TMEFF1: variants seen among roughly 807,000 people sequenced by gnomAD.
TMEFF1 encodes the protein transmembrane protein with EGF like and two follistatin like domains 1, also known as tomoregulin-1.
TMEFF1 carries 20 observed loss-of-function variants against 47.5 expected under a neutral mutation model. The ratio of observed to expected loss-of-function variants is 0.42; its 90% CI spans 0.30 to 0.61. The LOEUF (loss-of-function observed/expected upper bound fraction) is 0.61, where lower values mean the gene tolerates loss of function less well. Among genes scored for constraint, TMEFF1 ranks in the 20% least tolerant of loss-of-function variants. The pLI is 0.19. For synonymous variants in TMEFF1, 162 were observed against 166.3 expected (o/e 0.97, Z 0.20); for missense variants, 411 against 471.1 (o/e 0.87, Z 1.18).
chr9:100,515,613 C>A (rs535254936), intron 4 of TMEFF1, among the ~76,000 whole-genome samples: 59 of 152,096 alleles, frequency 3.9e-4, no homozygotes, highest in Admixed American at 1.9e-3. Context: ...TAGTGAAACC[C>A]CGTCTCTACT....
chr9:100,527,089 G>A (rs937378666), intron 5 of TMEFF1, among the ~76,000 whole-genome samples: 1 of 151,228 alleles, frequency 6.6e-6, no homozygotes, highest in Non-Finnish European at 1.5e-5. Flanking sequence ...GTTGCAGTGA[G>A]CCAAAATCGC....
chr9:100,515,339 T>A (rs1838046429), intron 4 of TMEFF1, among the ~76,000 whole-genome samples: 1 of 152,154 alleles, frequency 6.6e-6, no homozygotes, highest in Non-Finnish European at 1.5e-5. Context: ...TTACTTAGGA[T>A]GATAATCCCT....
rs529859021 is a variant in TMEFF1, at chr9:100,549,716, T to G, written c.710-379T>G. Among the ~76,000 whole-genome samples, 5 of 152,300 alleles carry G rather than the reference T, an allele frequency of 3.3e-5. No homozygotes were observed. The South Asian group carries it at 1.0e-3, about 32-fold the overall frequency. On this transcript the variant is annotated intron_variant, in intron 6 of 9. Coordinates refer to ENST00000374879, the MANE Select transcript of TMEFF1 (RefSeq NM_003692.5). ...AGCAGAGATTCCCCATTTATCTTAA[T>G]CTGATATTTCCAGGGTAACAGTGGT...
At chr9:100,501,540 A>C (rs962324327) in intron 2 of TMEFF1, among the ~76,000 whole-genome samples, 3 of 152,162 alleles carry the variant, frequency 2.0e-5, no homozygotes, top group Non-Finnish European at 2.9e-5. Flanking sequence ...GTGCAATACA[A>C]TATTGGAATA....
At position 100,492,138 on chromosome 9, in the gene TMEFF1, C is replaced by T. The variant is rs568495660; in HGVS notation, c.197-6627C>T. Among the ~76,000 whole-genome samples the T allele has an allele frequency of 2.6e-5, 4 of 152,318 alleles. No individual in the cohort carries two copies. The East Asian group carries it at 7.7e-4, about 29-fold the overall frequency. On this transcript the variant is annotated intron_variant, in intron 1 of 9. Coordinates refer to ENST00000374879, the MANE Select transcript of TMEFF1 (RefSeq NM_003692.5). ...TGACCTCATGATCTGCCCGCCTTGGCCTCCCAAAGTGCTGGGATTGCAGGC... is the reference window on the plus strand; with the variant it reads ...TGACCTCATGATCTGCCCGCCTTGGTCTCCCAAAGTGCTGGGATTGCAGGC...
chr9:100,551,590 A>G (rs988712165), intron 7 of TMEFF1, among the ~76,000 whole-genome samples: 2 of 152,232 alleles, frequency 1.3e-5, no homozygotes, highest in African/African-American at 4.8e-5. Flanking sequence ...CTTGTGTGCC[A>G]TTGATAATGG....
At chr9:100,531,994 G>T (rs2118453422) in intron 5 of TMEFF1, among the ~76,000 whole-genome samples, 1 of 150,988 alleles carries the variant, frequency 6.6e-6, no homozygotes, top group Non-Finnish European at 1.5e-5. Context: ...ATGGGGAAAG[G>T]ATTCCCTATT....
At position 100,519,672 on chromosome 9, in the gene TMEFF1, T is replaced by C; in HGVS notation, c.560+2901T>C. ...CTTTTTTTTTTTTTTTTTTTTTTTT[T>C]TTTTAACAAAAACACTGCCCTCTTC... is the stretch of plus-strand genomic sequence containing the variant. On this transcript the variant is annotated intron_variant, in intron 5 of 9. Coordinates refer to ENST00000374879, the MANE Select transcript of TMEFF1 (RefSeq NM_003692.5). Among the ~76,000 whole-genome samples the C allele has an allele frequency of 2.1e-5, 3 of 141,152 alleles. 1 individual carries two copies. Among genetic ancestry groups the C allele is most frequent in the Non-Finnish European group, 4.7e-5 (3 of 63,374 alleles). 92.6% of individuals were successfully genotyped at this position (141,152 alleles called of 152,430 possible).
chr9:100,550,569 C>T (rs563371288), intron 7 of TMEFF1, among the ~76,000 whole-genome samples: 1 of 152,286 alleles, frequency 6.6e-6, no homozygotes, highest in South Asian at 2.1e-4. Flanking sequence ...CCTTCTTATC[C>T]TTTTAATCTT....
rs186583895 is a variant in TMEFF1, at chr9:100,564,987, T to C, written c.899+3467T>C. On this transcript the variant is annotated intron_variant, in intron 8 of 9. Coordinates refer to ENST00000374879, the MANE Select transcript of TMEFF1 (RefSeq NM_003692.5). ...GAGTCAGGAGAGTCTCCTGGCTTTCTGGCTAACACAGGATTGAGTGGGAAA... is the reference window on the plus strand; with the variant it reads ...GAGTCAGGAGAGTCTCCTGGCTTTCCGGCTAACACAGGATTGAGTGGGAAA... 4.6e-5 allele frequency among the ~76,000 whole-genome samples: 7 copies of C among 152,214 alleles called. No individual in the cohort carries two copies. In the East Asian group the frequency reaches 1.4e-3, roughly 29 times the overall value.
chr9:100,507,076 A>C (rs977814773), intron 2 of TMEFF1, among the ~76,000 whole-genome samples: 2 of 152,104 alleles, frequency 1.3e-5, no homozygotes, highest in East Asian at 1.9e-4. Context: ...CTTTATGTCC[A>C]TGTGTATCCA....
chr9:100,544,662 C>G (rs1356506277), intron 5 of TMEFF1, among the ~76,000 whole-genome samples: 2 of 152,212 alleles, frequency 1.3e-5, no homozygotes, highest in Non-Finnish European at 2.9e-5. Context: ...CACCAGTCAC[C>G]CAAAGTCTTA....
rs765405255 is a variant in TMEFF1 at position 100,516,657 on chromosome 9, A to T, written c.464-18A>T. On this transcript the variant is annotated intron_variant, in intron 4 of 9. Coordinates refer to ENST00000374879, the MANE Select transcript of TMEFF1 (RefSeq NM_003692.5). ...ATCCCAACTTTTGGTTGTAAATTTG[A>T]TTTTTCTTTTTAAACAGAAGAGGAA... 2 of 1,605,738 alleles carry T rather than the reference A, an allele frequency of 1.2e-6. No homozygotes were observed. The highest frequency in any genetic ancestry group is 2.2e-5 in the South Asian group (2 of 89,156).
intron 7 of TMEFF1, among the ~76,000 whole-genome samples, chr9:100,560,465 G>A (rs1838995031): frequency 6.6e-6 from 1 of 152,064 alleles, no homozygotes; most frequent in Non-Finnish European, 1.5e-5. Flanking sequence ...GGTCCTTTGA[G>A]CTTAGGATTA....
chr9:100,573,496 G>T (rs145768397), intron 9 of TMEFF1, among the ~76,000 whole-genome samples: 1 of 152,134 alleles, frequency 6.6e-6, no homozygotes, highest in Admixed American at 6.5e-5. Flanking sequence ...AGTAAATCCA[G>T]CAAGTTCGTG....
intron 5 of TMEFF1, among the ~76,000 whole-genome samples, chr9:100,520,671 T>A (rs1382285675): frequency 6.6e-6 from 1 of 152,254 alleles, no homozygotes; most frequent in African/African-American, 2.4e-5. Context: ...ATATGTAGTA[T>A]ATTACAGTTT....
intron 5 of TMEFF1, among the ~76,000 whole-genome samples, chr9:100,525,062 A>ACAG (rs1033059569): frequency 6.6e-6 from 1 of 152,152 alleles, no homozygotes; most frequent in African/African-American, 2.4e-5. Context: ...GGCCATCCAC[A>ACAG]CAGCTGTCTA....
At chr9:100,518,404 A>T (rs1317237825) in intron 5 of TMEFF1, 1 of 983,574 alleles carries the variant, frequency 1.0e-6, no homozygotes, top group Non-Finnish European at 1.2e-6. Flanking sequence ...AGAGCTTGCC[A>T]CCACTATTGT....
At chr9:100,486,423 G>T (rs533587995) in intron 1 of TMEFF1, among the ~76,000 whole-genome samples, 22 of 151,632 alleles carry the variant, frequency 1.5e-4, no homozygotes, top group Non-Finnish European at 2.5e-4. Flanking sequence ...TGTATTTTTA[G>T]TAAAGATGGG....
Sources: gnomAD v4.1 joint callset for allele counts (sites outside exome capture counted in the v4.1 genomes callset) on GRCh38, gnomAD v4.1.1 for gene constraint, MANE v1.5 for transcripts, NCBI Gene and HGNC (gene_info 2026-07-23, HGNC 2026-07-21) for gene names.